Variants in SP2 observed in about 807,000 individuals in gnomAD.
SP2 encodes the protein transcription factor Sp2.
SP2 carries 9 observed loss-of-function variants against 50.1 expected under a neutral mutation model. That is an observed-to-expected ratio of 0.18 (90% CI 0.11 to 0.31). The LOEUF (loss-of-function observed/expected upper bound fraction) is 0.31. Ranked by LOEUF, SP2 falls within the 10% of genes least tolerant of loss-of-function variation. The probability of loss-of-function intolerance (pLI) is 1.00; values close to 1 mark genes in which losing one functional copy is unlikely to be tolerated. For synonymous variants in SP2, 313 were observed against 326.6 expected (o/e 0.96, Z 0.45); for missense variants, 581 against 806.5 (o/e 0.72, Z 3.39).
At chr17:47,907,569 T>C (rs777060630) in intron 1 of SP2, among the ~76,000 whole-genome samples, 1 of 152,236 alleles carries the variant, frequency 6.6e-6, no homozygotes, top group Non-Finnish European at 1.5e-5. Flanking sequence ...CTGAATGATA[T>C]AACTTTGAAA....
At chr17:47,920,088 T>G (rs973250265) in intron 3 of SP2, among the ~76,000 whole-genome samples, 1 of 151,976 alleles carries the variant, frequency 6.6e-6, no homozygotes, top group Non-Finnish European at 1.5e-5. Context: ...ATCATGACCT[T>G]GACACTTTTG....
At chr17:47,915,544 C>A (rs2035163986) in intron 2 of SP2, among the ~76,000 whole-genome samples, 156 bp downstream of exon 2, 2 of 152,082 alleles carry the variant, frequency 1.3e-5, no homozygotes, top group South Asian at 4.2e-4. Flanking sequence ...AAACTATGGC[C>A]ATTTACCTAA....
At chr17:47,897,955 C>T (rs868668720) in intron 1 of SP2, 2 of 802,384 alleles carry the variant, frequency 2.5e-6, no homozygotes, top group Non-Finnish European at 3.0e-6. Context: ...AGTTCTTCCT[C>T]TTGGTTGTAC....
Position 47,915,320 on chromosome 17 carries a change from A to T in SP2, c.16A>T (p.Thr6Ser). Reference sequence around the variant, plus strand: ...CTCTTTTCTTCCAACAGATCCACAGACCAGCATGGCTGCCACTGCTGCTGT... The same window carrying T: ...CTCTTTTCTTCCAACAGATCCACAGTCCAGCATGGCTGCCACTGCTGCTGT... Reference protein sequence around the residue: MSDPQTSMAATAAVSP... With the variant: MSDPQSSMAATAAVSP... The change falls in exon 2 of 7, where the codon ACC becomes TCC. Residue 6 changes from threonine to serine, a missense_variant. Physicochemically the swap from Thr to Ser is moderately conservative, Grantham distance 58 (BLOSUM62 1). Around this residue, in one of 2 missense-constraint regions of SP2, gnomAD observed 397 missense variants for 491.0 expected, o/e 0.81. Transcript: ENST00000376741. The T allele has an allele frequency of 6.2e-7, 1 of 1,611,674 alleles. No homozygotes were observed. The highest frequency in any genetic ancestry group is 1.1e-5 in the South Asian group (1 of 90,806).
chr17:47,901,571 A>C (rs1319639889), intron 1 of SP2, among the ~76,000 whole-genome samples: 1 of 152,170 alleles, frequency 6.6e-6, no homozygotes, highest in Non-Finnish European at 1.5e-5. Flanking sequence ...TTAATAATGC[A>C]TATCAGTTGA....
chr17:47,903,989 G>A (rs2034650352), intron 1 of SP2, among the ~76,000 whole-genome samples: 1 of 151,102 alleles, frequency 6.6e-6, no homozygotes, highest in Admixed American at 6.6e-5. Context: ...TAGGCCAGGT[G>A]CAGTGGCTCA....
intron 1 of SP2, among the ~76,000 whole-genome samples, chr17:47,906,896 A>C (rs1233808923): frequency 1.3e-5 from 2 of 152,154 alleles, no homozygotes; most frequent in African/African-American, 4.8e-5. Flanking sequence ...AAGCCGTGCG[A>C]GTAGGCATGG....
intron 3 of SP2, 24 bp downstream of exon 3, chr17:47,917,154 T>C (rs1470949591): frequency 1.3e-6 from 2 of 1,559,968 alleles, no homozygotes; most frequent in Admixed American, 1.9e-5. Flanking sequence ...TGTACTGTCC[T>C]CCTTCTCCTC....
rs1567697641 is a variant in SP2, at chr17:47,916,772, A to G, written c.701A>G (p.Glu234Gly). 4.3e-6 allele frequency: 7 copies of G among 1,613,638 alleles called. No homozygotes were observed. The highest frequency in any genetic ancestry group is 4.2e-6 in the Non-Finnish European group (5 of 1,179,672). Residue 234 changes from glutamate to glycine, a missense_variant, in exon 3 of 7, where the codon GAA becomes GGA. Coordinates refer to ENST00000376741, the MANE Select transcript of SP2 (RefSeq NM_003110.6). This position sits in a 1 kb window ranked among gnomAD's most constrained non-coding sequence, Gnocchi z 4.7. ...GGGGCCCCTACTCAGCTCCTCACTG[A>G]AAGCCCCCCAACCCCGCTGTCTAAG... is the stretch of plus-strand genomic sequence containing the variant. Reference protein sequence around the residue: ...DTGAPTQLLTESPPTPLSKTN... With the variant: ...DTGAPTQLLTGSPPTPLSKTN...
intron 1 of SP2, chr17:47,909,599 C>T: frequency 2.0e-6 from 1 of 512,274 alleles, no homozygotes; most frequent in Non-Finnish European, 2.5e-6. Flanking sequence ...ACCCTCGATG[C>T]AGTGATATAA....
Position 47,925,502 on chromosome 17 carries a change from C to T in SP2, c.1702C>T (p.Arg568Trp), listed in dbSNP as rs1383204832. The T allele has an allele frequency of 3.7e-6, 6 of 1,614,172 alleles. No homozygotes were observed. The highest frequency in any genetic ancestry group is 2.2e-5 in the East Asian group (1 of 44,890). ...GTTCTTCTGTGGGAAGAGGTTCACA[C>T]GGAGTGACGAGCTCCAACGGCATGC... is the stretch of plus-strand genomic sequence containing the variant. ...NWFFCGKRFT[R>W]SDELQRHART... Residue 568 changes from arginine (R) to tryptophan (W), a missense_variant, in exon 6 of 7, where the codon CGG (arginine) becomes TGG (tryptophan). This residue lies in a region of SP2 where 184 missense variants were observed against 315.5 expected (regional missense o/e 0.58). Coordinates refer to ENST00000376741, the MANE Select transcript of SP2 (RefSeq NM_003110.6).
At chr17:47,921,939 T>C (rs1481122903) in intron 3 of SP2, among the ~76,000 whole-genome samples, 1 of 152,210 alleles carries the variant, frequency 6.6e-6, no homozygotes, top group Non-Finnish European at 1.5e-5. Flanking sequence ...TAGATAAACT[T>C]ATATAAGGAC....
intron 1 of SP2, among the ~76,000 whole-genome samples, chr17:47,904,651 C>T (rs2034686940): frequency 6.6e-6 from 1 of 152,164 alleles, no homozygotes. Context: ...TTACTTCGGC[C>T]TGTGGCATTA....
At chr17:47,905,061 C>T (rs1180840674) in intron 1 of SP2, among the ~76,000 whole-genome samples, 6 of 152,178 alleles carry the variant, frequency 3.9e-5, no homozygotes, top group South Asian at 2.1e-4. Flanking sequence ...CATGAGCCAC[C>T]GTGCCCACCT....
At chr17:47,901,537 A>G (rs1349381736) in intron 1 of SP2, among the ~76,000 whole-genome samples, 1 of 152,104 alleles carries the variant, frequency 6.6e-6, no homozygotes, top group Non-Finnish European at 1.5e-5. Context: ...CGGCTCTGCC[A>G]ATGCATGTCA....
intron 3 of SP2, among the ~76,000 whole-genome samples, chr17:47,921,366 A>G (rs2035451317): frequency 6.6e-6 from 1 of 152,166 alleles, no homozygotes; most frequent in African/African-American, 2.4e-5. Flanking sequence ...CTCCTGCCTC[A>G]GCCTCCCCAG....
chr17:47,925,381 C>T lies in SP2; in HGVS notation c.1581C>T (p.Cys527=), dbSNP rs771068014. 1 of 1,614,044 alleles carries T rather than the reference C, an allele frequency of 6.2e-7. No individual in the cohort carries two copies. The highest frequency in any genetic ancestry group is 8.5e-7 in the Non-Finnish European group (1 of 1,179,964). ...SGEQGKKKHV[C]HIPDCGKTFR... The stretch of plus-strand genomic sequence containing the variant: ...AGCAGGGCAAGAAGAAGCACGTGTG[C>T]CACATCCCCGACTGTGGCAAGACGT... The change falls in exon 6 of 7, where the codon TGC becomes TGT. Residue 527 remains cysteine, a synonymous_variant. Transcript: ENST00000376741.
chr17:47,916,793 C>CT lies in SP2; in HGVS notation c.723dup (p.Lys242Ter). 1 of 1,614,126 alleles carries CT rather than the reference C, an allele frequency of 6.2e-7. No individual in the cohort carries two copies. On this transcript the variant is annotated frameshift_variant, in exon 3 of 7. Transcript: ENST00000376741. LOFTEE classifies it high-confidence loss of function. This position sits in a 1 kb window ranked among gnomAD's most constrained non-coding sequence, Gnocchi z 4.7. ...ACTGAAAGCCCCCCAACCCCGCTGT[C>CT]TAAGACTAACAAGAAAGCAAGGAAG... is the stretch of plus-strand genomic sequence containing the variant.
chr17:47,921,329 A>G (rs991161237), intron 3 of SP2, among the ~76,000 whole-genome samples: 28 of 151,840 alleles, frequency 1.8e-4, no homozygotes, highest in African/African-American at 6.5e-4. Flanking sequence ...ACTCACTGCA[A>G]CCTCCACCTC....
Sources: gnomAD v4.1 joint callset for allele counts (sites outside exome capture counted in the v4.1 genomes callset) on GRCh38, gnomAD v4.1.1 for gene constraint, gnomAD v4.1.1 regional missense constraint, Gnocchi (gnomAD v3.1) non-coding constraint, MANE v1.5 for transcripts, NCBI Gene and HGNC (gene_info 2026-07-23, HGNC 2026-07-21) for gene names.